The following PHF21A variants were observed in gnomAD, a reference collection of about 807,000 sequenced individuals.
PHF21A encodes the protein PHD finger protein 21A, also known as BHC80a.
Under a neutral mutation model 82.5 loss-of-function variants are expected in PHF21A, and 11 were observed. The ratio of observed to expected loss-of-function variants is 0.13; its 90% CI spans 0.08 to 0.22. The LOEUF is 0.22. Ranked by LOEUF, PHF21A falls within the 10% of genes least tolerant of loss-of-function variation. The pLI, the probability that PHF21A is intolerant of heterozygous loss-of-function variation, is 1.00. For synonymous variants in PHF21A, 297 were observed against 302.8 expected (o/e 0.98, Z 0.20); for missense variants, 579 against 837.8 (o/e 0.69, Z 3.81).
At chr11:46,047,137 G>A (rs1218903727) in intron 6 of PHF21A, among the ~76,000 whole-genome samples, 1 of 152,188 alleles carries the variant, frequency 6.6e-6, no homozygotes, top group Non-Finnish European at 1.5e-5. Flanking sequence ...AATTGGTAGA[G>A]TATGGACCCA....
At chr11:46,103,100 C>A (rs1175202017) in intron 1 of PHF21A, among the ~76,000 whole-genome samples, 3 of 152,110 alleles carry the variant, frequency 2.0e-5, no homozygotes, top group Non-Finnish European at 4.4e-5. Context: ...TGGGACTGCA[C>A]CCCCGTCACA....
intron 16 of PHF21A, 139 bp from the exon 17 acceptor site, chr11:45,936,708 G>C (rs2135068264): frequency 1.6e-6 from 1 of 644,096 alleles, no homozygotes; most frequent in East Asian, 2.8e-5. Flanking sequence ...CAAAACCCTG[G>C]TCTATAGTTT....
intron 1 of PHF21A, among the ~76,000 whole-genome samples, chr11:46,093,189 T>C (rs1375911589): frequency 6.6e-6 from 1 of 152,220 alleles, no homozygotes; most frequent in Non-Finnish European, 1.5e-5. Flanking sequence ...AAACAAAAAT[T>C]AAAACTTTTC....
chr11:46,078,840 A>T (rs1360749787), intron 5 of PHF21A, among the ~76,000 whole-genome samples: 1 of 152,134 alleles, frequency 6.6e-6, no homozygotes, highest in African/African-American at 2.4e-5. Context: ...GGTTCATGGA[A>T]ATGAATTTAA....
rs1189943782 is a variant in PHF21A at position 45,930,110 on chromosome 11, C to T, written c.*3858G>A. 2.6e-5 allele frequency: 4 copies of T among 152,282 alleles called. No homozygotes were observed. Among genetic ancestry groups the T allele is most frequent in the African/African-American group, 4.8e-5 (2 of 41,466 alleles). 9.4% of individuals were successfully genotyped at this position (152,282 alleles called of 1,614,324 possible). On this transcript the variant is annotated 3_prime_UTR_variant, in exon 19 of 19. Coordinates refer to ENST00000676320, the MANE Select transcript of PHF21A (RefSeq NM_001352027.3). ...CCCTTTAGATAAATAAGAAGGACCA[C>T]GCCCTATAAGAGAATGAAGAGAGGA...
intron 10 of PHF21A, among the ~76,000 whole-genome samples, chr11:45,956,840 C>T (rs2092677932): frequency 6.6e-6 from 1 of 152,100 alleles, no homozygotes; most frequent in Non-Finnish European, 1.5e-5. Context: ...TTAAATGTAA[C>T]TGGATTAAAC....
At chr11:46,114,294 C>G (rs953126422) in intron 1 of PHF21A, among the ~76,000 whole-genome samples, 3 of 152,188 alleles carry the variant, frequency 2.0e-5, no homozygotes, top group Non-Finnish European at 4.4e-5. Flanking sequence ...TTGCTACACA[C>G]CCTCCTATTT....
intron 6 of PHF21A, among the ~76,000 whole-genome samples, chr11:46,034,224 C>T (rs761086135): frequency 6.6e-6 from 1 of 151,434 alleles, no homozygotes; most frequent in African/African-American, 2.4e-5. Flanking sequence ...TGCCCCCACC[C>T]CCCCCTTGCA....
At position 45,965,481 on chromosome 11, in the gene PHF21A, G is replaced by A. The variant is rs1392343524; in HGVS notation, c.830C>T (p.Thr277Ile). The change falls in exon 10 of 19, where the codon ACA becomes ATA. Residue 277 changes from threonine (T) to isoleucine (I), a missense_variant. Thr to Ile is a moderately conservative substitution (Grantham distance 89). This residue lies in a region of PHF21A where 410 missense variants were observed against 642.1 expected (regional missense o/e 0.64). Coordinates refer to ENST00000676320, the MANE Select transcript of PHF21A (RefSeq NM_001352027.3). ...GACGGGGTGGATGGAATTCTGGGAT[G>A]TGGGAAGGGTTGTGGGGGTGAACTT... ...LTKFTPTTLP[T>I]SQNSIHPVRV... 6.2e-7 allele frequency: 1 copy of A among 1,614,086 alleles called. No homozygotes were observed. Among genetic ancestry groups the A allele is most frequent in the East Asian group, 2.2e-5 (1 of 44,880 alleles).
chr11:46,092,530 T>C (rs567016485), intron 1 of PHF21A, among the ~76,000 whole-genome samples: 1 of 152,166 alleles, frequency 6.6e-6, no homozygotes, highest in African/African-American at 2.4e-5. Context: ...TTAAATAACA[T>C]ACAACTACTC....
At chr11:46,072,980 C>CA (rs2096671942) in intron 6 of PHF21A, among the ~76,000 whole-genome samples, 1 of 152,058 alleles carries the variant, frequency 6.6e-6, no homozygotes, top group Non-Finnish European at 1.5e-5. Context: ...ATATGCCTAT[C>CA]AAAAAATCAG....
Position 45,986,084 on chromosome 11 carries a change from A to AACACAC in PHF21A, c.154-6124_154-6119dup, listed in dbSNP as rs60179976. Among the ~76,000 whole-genome samples the AACACAC allele has an allele frequency of 9.3e-4, 123 of 132,284 alleles. 3 individuals carry two copies. In the East Asian group the frequency reaches 0.021, roughly 23 times the overall value. 86.8% of individuals were successfully genotyped at this position (132,284 alleles called of 152,430 possible). A position where few individuals can be genotyped will look rare whatever the true frequency, so the allele number is the denominator to read the frequency against. The stretch of plus-strand genomic sequence containing the variant: ...TCTTTGGGGCTTATTCTTCCTTCAA[A>AACACAC]ACACACACACACACACACACACACA... On this transcript the variant is annotated intron_variant, in intron 6 of 18. Transcript: ENST00000676320.
chr11:45,948,580 A>G (rs1321607245), intron 14 of PHF21A, among the ~76,000 whole-genome samples: 2 of 152,182 alleles, frequency 1.3e-5, no homozygotes, highest in Non-Finnish European at 2.9e-5. Context: ...TTCCTTTTAC[A>G]TGGGGTTCTG....
At chr11:45,986,817 C>A (rs1438834963) in intron 6 of PHF21A, among the ~76,000 whole-genome samples, 1 of 151,718 alleles carries the variant, frequency 6.6e-6, no homozygotes, top group Non-Finnish European at 1.5e-5. Context: ...ACTTTTATTT[C>A]CAATGTCAAT....
At chr11:45,968,059 T>C (rs1239452205) in intron 9 of PHF21A, among the ~76,000 whole-genome samples, 1 of 152,194 alleles carries the variant, frequency 6.6e-6, no homozygotes, top group Non-Finnish European at 1.5e-5. Context: ...GTAATACCTA[T>C]TTGCATAGGG....
chr11:46,046,244 T>G (rs2096254172), intron 6 of PHF21A, among the ~76,000 whole-genome samples: 1 of 152,096 alleles, frequency 6.6e-6, no homozygotes, highest in Admixed American at 6.5e-5. Flanking sequence ...AGCAGGAGGT[T>G]TAATTAACTG....
At chr11:46,016,863 C>T (rs896630682) in intron 6 of PHF21A, among the ~76,000 whole-genome samples, 2 of 151,914 alleles carry the variant, frequency 1.3e-5, no homozygotes, top group Admixed American at 1.3e-4. Context: ...GACACGACCT[C>T]AACCAATGAT....
chr11:45,971,882 T>TTTC, intron 7 of PHF21A, among the ~76,000 whole-genome samples: 1 of 72,262 alleles, frequency 1.4e-5, no homozygotes, highest in African/African-American at 6.5e-5. Context: ...GACAGTGTCT[T>TTTC]TTTCTTTCTT....
chr11:45,941,278 T>C (rs2090298777), intron 15 of PHF21A, among the ~76,000 whole-genome samples: 1 of 152,166 alleles, frequency 6.6e-6, no homozygotes, highest in African/African-American at 2.4e-5. Flanking sequence ...TTTTTATTTT[T>C]TGTAGAGATG....
Sources: gnomAD v4.1 joint callset for allele counts (sites outside exome capture counted in the v4.1 genomes callset) on GRCh38, gnomAD v4.1.1 for gene constraint, gnomAD v4.1.1 regional missense constraint, MANE v1.5 for transcripts, NCBI Gene and HGNC (gene_info 2026-07-23, HGNC 2026-07-21) for gene names.